The following XYLT1 variants were observed in gnomAD, a reference collection of about 807,000 sequenced individuals.
XYLT1 encodes the protein beta-D-xylosyltransferase 1.
XYLT1 carries 36 observed loss-of-function variants against 91.3 expected under a neutral mutation model. The ratio of observed to expected loss-of-function variants is 0.39; its 90% CI spans 0.30 to 0.52. The LOEUF is 0.52. XYLT1 is among the 20% of genes least tolerant of loss of function. The pLI is 0.68. For synonymous variants in XYLT1, 588 were observed against 532.0 expected, an observed-to-expected ratio of 1.11 and a Z score of -1.45; for missense variants, 1,242 against 1,284.5, an observed-to-expected ratio of 0.97 and a Z score of 0.51.
At chr16:17,371,944 A>G (rs1555500637) in intron 1 of XYLT1, among the ~76,000 whole-genome samples, 1 of 152,166 alleles carries the variant, frequency 6.6e-6, no homozygotes, top group African/African-American at 2.4e-5. Flanking sequence ...CACCCCCCCA[A>G]AAAAAGTTGC....
chr16:17,465,661 C>T (rs117975010), intron 1 of XYLT1, among the ~76,000 whole-genome samples: 2,719 of 152,040 alleles, frequency 0.018, 47 homozygotes, highest in Non-Finnish European at 0.024. Flanking sequence ...CCTTCCTCTA[C>T]CACATTCCGT....
At chr16:17,243,946 G>GA (rs2033392113) in intron 3 of XYLT1, among the ~76,000 whole-genome samples, 1 of 152,130 alleles carries the variant, frequency 6.6e-6, no homozygotes, top group Admixed American at 6.5e-5. Context: ...GGACATTTTG[G>GA]ACTGGAAAAT....
At chr16:17,164,105 CA>C (rs2031623923) in intron 5 of XYLT1, among the ~76,000 whole-genome samples, 1 of 136,222 alleles carries the variant, frequency 7.3e-6, no homozygotes, top group Non-Finnish European at 1.5e-5. Flanking sequence ...ACTGTGAAGT[CA>C]GGCAAGTTGA....
At chr16:17,227,234 T>A (rs1310652007) in intron 3 of XYLT1, 1 of 152,004 alleles carries the variant, frequency 6.6e-6, no homozygotes, top group African/African-American at 2.4e-5. Flanking sequence ...AATACCTAAA[T>A]CTCGAGACTT....
At chr16:17,130,595 TC>T (rs2030432319) in intron 9 of XYLT1, among the ~76,000 whole-genome samples, 1 of 152,222 alleles carries the variant, frequency 6.6e-6, no homozygotes, top group Admixed American at 6.5e-5. Flanking sequence ...TGACTCAGCC[TC>T]CCGAGTAGCT....
In XYLT1 at chr16:17,105,690, T is replaced by C. The variant is rs1304922033; in HGVS notation, c.*3005A>G. 1 of 152,228 alleles carries C rather than the reference T, an allele frequency of 6.6e-6. No individual in the cohort carries two copies. Among genetic ancestry groups the C allele is most frequent in the African/African-American group, 2.4e-5 (1 of 41,440 alleles). The allele number at this position is 152,228 out of a possible 1,614,324, so 9.4% of individuals were successfully genotyped here. A position where few individuals can be genotyped will look rare whatever the true frequency, so the allele number is the denominator to read the frequency against. ...AGGCCCACCTGTCAGCCTTCCTGAGTTTCCAGGGACCTCGTCACTGGCTCA... is the reference window on the plus strand; with the variant it reads ...AGGCCCACCTGTCAGCCTTCCTGAGCTTCCAGGGACCTCGTCACTGGCTCA... On this transcript the variant is annotated 3_prime_UTR_variant, in exon 12 of 12. Coordinates refer to ENST00000261381, the MANE Select transcript of XYLT1 (RefSeq NM_022166.4).
At chr16:17,143,701 C>G (rs1226384603) in intron 6 of XYLT1, among the ~76,000 whole-genome samples, 1 of 152,136 alleles carries the variant, frequency 6.6e-6, no homozygotes, top group Non-Finnish European at 1.5e-5. Flanking sequence ...TACAGTCTTA[C>G]AACACTGTAA....
At chr16:17,370,575 G>A (rs1163335486) in intron 1 of XYLT1, among the ~76,000 whole-genome samples, 1 of 152,156 alleles carries the variant, frequency 6.6e-6, no homozygotes, top group Non-Finnish European at 1.5e-5. Flanking sequence ...CAACCCTAGT[G>A]ACTCAGCAGT....
At chr16:17,272,367 T>C (rs908972438) in intron 2 of XYLT1, among the ~76,000 whole-genome samples, 1 of 152,012 alleles carries the variant, frequency 6.6e-6, no homozygotes, top group Non-Finnish European at 1.5e-5. Flanking sequence ...TTTCACCATG[T>C]TGGCCAGGCT....
chr16:17,249,124 T>A (rs1054036765), intron 3 of XYLT1, among the ~76,000 whole-genome samples: 2 of 152,144 alleles, frequency 1.3e-5, no homozygotes, highest in Non-Finnish European at 2.9e-5. Context: ...TCCTCCCAAA[T>A]GAATCCATCC....
chr16:17,263,289 G>A (rs1167623529), intron 2 of XYLT1, among the ~76,000 whole-genome samples: 1 of 151,874 alleles, frequency 6.6e-6, no homozygotes, highest in African/African-American at 2.4e-5. Context: ...CACCCCCCAC[G>A]GCCAATGAAG....
rs185991378 is a variant in XYLT1 at position 17,211,501 on chromosome 16, T to G, written c.914-10847A>C. The stretch of plus-strand genomic sequence containing the variant: ...TGTCCTTTTGATTCTTACTCTAATT[T>G]GTTGAGTACTTAACATTCATGTGGT... On this transcript the variant is annotated intron_variant, in intron 3 of 11. Coordinates refer to ENST00000261381, the MANE Select transcript of XYLT1 (RefSeq NM_022166.4). Among the ~76,000 whole-genome samples the G allele has an allele frequency of 1.7e-3, 252 of 152,330 alleles. 3 individuals are homozygous for G. The highest frequency in any genetic ancestry group is 2.8e-3 in the Non-Finnish European group (191 of 68,034).
At position 17,138,540 on chromosome 16, in the gene XYLT1, G is replaced by A. The variant is rs772084738; in HGVS notation, c.1588-9C>T. 6.8e-6 allele frequency: 11 copies of A among 1,611,780 alleles called. No individual in the cohort carries two copies. In the Admixed American group the frequency reaches 1.7e-4, roughly 24 times the overall value. On this transcript the variant is annotated splice_polypyrimidine_tract_variant and intron_variant, in intron 7 of 11. Transcript: ENST00000261381. ...ACCGTATGGAAGAAGGACTGCAGGG[G>A]AGAGAGGGACCCAGCCTGAGACCTC...
chr16:17,377,836 C>A (rs936032537), intron 1 of XYLT1, among the ~76,000 whole-genome samples: 4 of 152,156 alleles, frequency 2.6e-5, no homozygotes, highest in African/African-American at 9.7e-5. Context: ...TGGATCAGCC[C>A]ACTGGGGTTC....
Position 17,159,010 on chromosome 16 carries a change from C to T in XYLT1, c.1290-101G>A, listed in dbSNP as rs750469268. 9.1e-5 allele frequency: 92 copies of T among 1,013,672 alleles called. 1 individual carries two copies. The highest frequency in any genetic ancestry group is 1.3e-4 in the Non-Finnish European group (81 of 645,986). 62.8% of individuals were successfully genotyped at this position (1,013,672 alleles called of 1,614,324 possible). ...CAATTATGTCAGTCTGCTTGAAGCA[C>T]CTTCTCTGATCATTTGCACACAGGC... On this transcript the variant is annotated intron_variant, in intron 5 of 11. Coordinates refer to ENST00000261381, the MANE Select transcript of XYLT1 (RefSeq NM_022166.4).
intron 1 of XYLT1, among the ~76,000 whole-genome samples, chr16:17,389,999 ACTC>A (rs1447886436): frequency 6.6e-6 from 1 of 151,436 alleles, no homozygotes; most frequent in East Asian, 1.9e-4. Flanking sequence ...TTTAGTTACC[ACTC>A]CTCATTTGCA....
intron 1 of XYLT1, among the ~76,000 whole-genome samples, chr16:17,427,440 G>A (rs1048629918): frequency 6.6e-6 from 1 of 152,164 alleles, no homozygotes. Context: ...CTACAAGTGT[G>A]CACCGCCGCA....
chr16:17,286,625 C>G (rs1010482041), intron 2 of XYLT1, among the ~76,000 whole-genome samples: 2 of 152,202 alleles, frequency 1.3e-5, no homozygotes, highest in Admixed American at 1.3e-4. Context: ...CTTCTTGAAT[C>G]CTCACAACAA....
chr16:17,277,680 G>A (rs577317100), intron 2 of XYLT1, among the ~76,000 whole-genome samples: 9 of 152,212 alleles, frequency 5.9e-5, no homozygotes, highest in East Asian at 1.9e-4. Flanking sequence ...GTGAGCCCCC[G>A]GGTTCAACCT....
Sources: allele counts gnomAD v4.1 joint callset (sites outside exome capture counted in the v4.1 genomes callset), GRCh38; gene constraint gnomAD v4.1.1; transcripts MANE v1.5; gene names NCBI Gene and HGNC (gene_info 2026-07-23, HGNC 2026-07-21).